Variants in USH2A observed in about 807,000 individuals in gnomAD.
The protein encoded by USH2A is usherin, also known as Usher syndrome 2A (autosomal recessive, mild).
In USH2A, 443 loss-of-function variants were observed where a neutral mutation model predicts 538.9. The observed-to-expected ratio is 0.82, with a 90% CI of 0.76 to 0.89. The LOEUF (loss-of-function observed/expected upper bound fraction) is 0.89, where lower values mean the gene tolerates loss of function less well. USH2A is among the 40% of genes least tolerant of loss of function. The probability of loss-of-function intolerance (pLI) is 0.00; values close to 1 mark genes in which losing one functional copy is unlikely to be tolerated. For synonymous variants in USH2A, 2,413 were observed against 2,273.5 expected (o/e 1.06, Z -1.75); for missense variants, 6,633 against 6,324.8 (o/e 1.05, Z -1.65).
chr1:216,164,911 A>G (rs1189016713), intron 21 of USH2A, among the ~76,000 whole-genome samples: 5 of 152,164 alleles, frequency 3.3e-5, no homozygotes, highest in Non-Finnish European at 5.9e-5. Context: ...ACAATAAGCC[A>G]TTTAACAGAT....
Position 216,119,622 on chromosome 1 carries a change from TA to T in USH2A, c.4628-22410del, listed in dbSNP as rs554728553. Reference sequence around the variant, plus strand: ...TTAAACGAAATATCCCATATAAATATATTTTTTTATTTTTTTCCAGGAATTT... The same window carrying T: ...TTAAACGAAATATCCCATATAAATATTTTTTTTATTTTTTTCCAGGAATTT... On this transcript the variant is annotated intron_variant, in intron 21 of 71. Transcript: ENST00000307340. Among the ~76,000 whole-genome samples the T allele has an allele frequency of 1.1e-3, 161 of 152,192 alleles. 1 individual carries two copies. Among genetic ancestry groups the T allele is most frequent in the Admixed American group, 2.6e-3 (39 of 15,284 alleles).
In USH2A at chr1:215,758,721, C is replaced by G. The variant is rs397517971; in HGVS notation, c.11263G>C (p.Gly3755Arg). The G allele has an allele frequency of 7.4e-6, 12 of 1,613,808 alleles. No homozygotes were observed. The highest frequency in any genetic ancestry group is 3.3e-4 in the Middle Eastern group (2 of 6,080). Reference protein sequence around the residue: ...YTYKLEVKTGGGSSASDDYIV... With the variant: ...YTYKLEVKTGRGSSASDDYIV... ...TAATCATCACTAGCACTGCTGCCAC[C>G]TCCAGTTTTGACTTCTAACTTGTAA... Residue 3755 changes from glycine to arginine, a missense_variant, in exon 58 of 72, where the codon GGT (glycine) becomes CGT (arginine). Gly to Arg is a moderately radical substitution (Grantham distance 125, BLOSUM62 -2). Coordinates refer to ENST00000307340, the MANE Select transcript of USH2A (RefSeq NM_206933.4).
At chr1:215,641,961 G>T (rs529517050) in intron 67 of USH2A, among the ~76,000 whole-genome samples, 6 of 152,196 alleles carry the variant, frequency 3.9e-5, no homozygotes, top group Non-Finnish European at 8.8e-5. Context: ...GATATCACAA[G>T]GAATACTCTA....
At chr1:216,138,918 A>ATG (rs534404810) in intron 21 of USH2A, among the ~76,000 whole-genome samples, 4,711 of 148,808 alleles carry the variant, frequency 0.032, 140 homozygotes, top group African/African-American at 0.066. Flanking sequence ...GCATATATTA[A>ATG]TGTGTGTGTG....
At position 215,698,733 on chromosome 1, in the gene USH2A, A is replaced by G. The variant is rs140039920; in HGVS notation, c.12067-18357T>C. Among the ~76,000 whole-genome samples, 1,085 of 152,330 alleles carry G rather than the reference A, an allele frequency of 7.1e-3. 12 individuals are homozygous for G. The highest frequency in any genetic ancestry group is 0.024 in the African/African-American group (1,014 of 41,574). On this transcript the variant is annotated intron_variant, in intron 61 of 71. Coordinates refer to ENST00000307340, the MANE Select transcript of USH2A (RefSeq NM_206933.4). ...AGATTCTGGATATTAGCCCTTTGTC[A>G]GATGGATAGGTTGCAAAAATTTTCT... is the stretch of plus-strand genomic sequence containing the variant.
At chr1:216,322,565 C>T (rs2037638890) in intron 8 of USH2A, among the ~76,000 whole-genome samples, 1 of 148,796 alleles carries the variant, frequency 6.7e-6, no homozygotes, top group South Asian at 2.1e-4. Context: ...CATGATCATG[C>T]CATTGCATGC....
At chr1:215,727,898 A>G in intron 61 of USH2A, 132 bp downstream of exon 61, 4 of 1,125,234 alleles carry the variant, frequency 3.6e-6, no homozygotes, top group Non-Finnish European at 5.2e-6. Flanking sequence ...CTACATTGCA[A>G]CTTTTCACAA....
intron 43 of USH2A, among the ~76,000 whole-genome samples, chr1:215,876,516 G>C (rs1340536589): frequency 6.6e-6 from 1 of 152,198 alleles, no homozygotes; most frequent in Admixed American, 6.5e-5. Context: ...GGCACTATGT[G>C]CTGGTATGTG....
At chr1:215,714,899 A>G (rs1659438110) in intron 61 of USH2A, among the ~76,000 whole-genome samples, 1 of 152,214 alleles carries the variant, frequency 6.6e-6, no homozygotes, top group Non-Finnish European at 1.5e-5. Flanking sequence ...AATGGTCTTT[A>G]TTGTAATTCC....
At chr1:215,981,145 T>C (rs922724008) in intron 35 of USH2A, among the ~76,000 whole-genome samples, 1 of 152,132 alleles carries the variant, frequency 6.6e-6, no homozygotes, top group African/African-American at 2.4e-5. Context: ...AAATGGTATC[T>C]TGTTTGGGTA....
intron 54 of USH2A, 34 bp from the exon 55 acceptor site, chr1:215,780,075 T>C (rs1485540760): frequency 6.2e-7 from 1 of 1,608,298 alleles, no homozygotes; most frequent in South Asian, 1.1e-5. Context: ...CAATTTATTG[T>C]AATAGTGCAC....
chr1:215,762,885 T>C (rs1661020348), intron 56 of USH2A, among the ~76,000 whole-genome samples: 1 of 152,146 alleles, frequency 6.6e-6, no homozygotes, highest in Non-Finnish European at 1.5e-5. Context: ...TAAACCTTGG[T>C]GGGCCTTTTT....
chr1:215,804,976 T>C (rs908530782), intron 49 of USH2A, among the ~76,000 whole-genome samples: 4 of 152,040 alleles, frequency 2.6e-5, no homozygotes, highest in Non-Finnish European at 4.4e-5. Context: ...GAGTTCATGT[T>C]CTTTGTAGGG....
rs1260478806 is a variant in USH2A, at chr1:216,323,689, A to G, written c.1335T>C (p.Thr445=). ...SVNCLQLSNF[T]PYSRGNVTFS... Reference sequence around the variant, plus strand: ...ATGTGACATTGCCACGGGAATATGGAGTAAAACTGTTAATGAAAGAAATTC... The same window carrying G: ...ATGTGACATTGCCACGGGAATATGGGGTAAAACTGTTAATGAAAGAAATTC... The change falls in exon 8 of 72, where the codon ACT becomes ACC. Residue 445 remains threonine, a synonymous_variant. Coordinates refer to ENST00000307340, the MANE Select transcript of USH2A (RefSeq NM_206933.4). 3.1e-6 allele frequency: 5 copies of G among 1,613,412 alleles called. No homozygotes were observed. Among genetic ancestry groups the G allele is most frequent in the Non-Finnish European group, 4.2e-6 (5 of 1,179,574 alleles).
chr1:215,881,431 C>G (rs1002684139), intron 41 of USH2A, among the ~76,000 whole-genome samples: 1 of 152,192 alleles, frequency 6.6e-6, no homozygotes, highest in Non-Finnish European at 1.5e-5. Flanking sequence ...TGAGCCACCA[C>G]GCCCTGCCCA....
At chr1:215,773,791 GT>G (rs1661374271) in intron 55 of USH2A, among the ~76,000 whole-genome samples, 2 of 152,060 alleles carry the variant, frequency 1.3e-5, no homozygotes, top group Non-Finnish European at 2.9e-5. Context: ...GCATCCCCTG[GT>G]GATCTTGACT....
chr1:215,889,801 A>G (rs1311368291), intron 40 of USH2A, among the ~76,000 whole-genome samples: 1 of 152,172 alleles, frequency 6.6e-6, no homozygotes, highest in Non-Finnish European at 1.5e-5. Flanking sequence ...GTGTTGTGGA[A>G]CAGCAAATAT....
chr1:215,698,380 A>T (rs1305891155), intron 61 of USH2A, among the ~76,000 whole-genome samples: 2 of 152,154 alleles, frequency 1.3e-5, no homozygotes, highest in African/African-American at 2.4e-5. Flanking sequence ...CTGGGTCTAG[A>T]TCCTTGAGGA....
At chr1:216,167,270 A>G (rs1323111120) in intron 21 of USH2A, among the ~76,000 whole-genome samples, 1 of 152,098 alleles carries the variant, frequency 6.6e-6, no homozygotes, top group East Asian at 1.9e-4. Flanking sequence ...GGCAACCGTC[A>G]GGTGATAATT....
Sources: gnomAD v4.1 joint callset for allele counts (sites outside exome capture counted in the v4.1 genomes callset) on GRCh38, gnomAD v4.1.1 for gene constraint, MANE v1.5 for transcripts, NCBI Gene and HGNC (gene_info 2026-07-23, HGNC 2026-07-21) for gene names.